Variants in CAMTA1 observed in about 807,000 individuals in gnomAD.
CAMTA1 encodes calmodulin binding transcription activator 1.
In CAMTA1, 27 loss-of-function variants were observed where a neutral mutation model predicts 170.9. The observed-to-expected ratio is 0.16, with a 90% CI of 0.12 to 0.22. The LOEUF (loss-of-function observed/expected upper bound fraction) is 0.22. Among genes scored for constraint, CAMTA1 ranks in the 10% least tolerant of loss-of-function variants. The pLI, the probability that CAMTA1 is intolerant of heterozygous loss-of-function variation, is 1.00. For synonymous variants in CAMTA1, 833 were observed against 891.5 expected (o/e 0.93, Z 1.17); for missense variants, 1,619 against 2,217.2 (o/e 0.73, Z 5.42).
intron 1 of CAMTA1, among the ~76,000 whole-genome samples, chr1:6,790,775 T>C (rs1453492236): frequency 5.3e-5 from 8 of 152,216 alleles, no homozygotes; most frequent in Admixed American, 5.2e-4. Context: ...TTTAATGGTA[T>C]TATTATTTTT....
intron 3 of CAMTA1, among the ~76,000 whole-genome samples, chr1:7,089,793 A>T (rs936621749): frequency 3.3e-5 from 5 of 152,220 alleles, no homozygotes; most frequent in African/African-American, 1.2e-4. Context: ...CACCCAGGCA[A>T]GCAGTAGGGA....
chr1:7,355,538 A>G (rs2085045953), intron 5 of CAMTA1, among the ~76,000 whole-genome samples: 1 of 152,156 alleles, frequency 6.6e-6, no homozygotes, highest in Non-Finnish European at 1.5e-5. Flanking sequence ...CTACCCCCAA[A>G]ATATAGCTCA....
In CAMTA1 at chr1:7,173,879, G is replaced by A. The variant is rs1045400694; in HGVS notation, c.303-75612G>A. Reference sequence around the variant, plus strand: ...CCAAAAAGGCCCAGTGGAACCCAGGGGACCCACAGGGACTCAACAGGACCC... The same window carrying A: ...CCAAAAAGGCCCAGTGGAACCCAGGAGACCCACAGGGACTCAACAGGACCC... On this transcript the variant is annotated intron_variant, in intron 4 of 22. Transcript: ENST00000303635. This position sits in a 1 kb window ranked among gnomAD's most constrained non-coding sequence, Gnocchi z 5.4. 6.6e-6 allele frequency among the ~76,000 whole-genome samples: 1 copy of A among 151,904 alleles called. No individual in the cohort carries two copies. Among genetic ancestry groups the A allele is most frequent in the Non-Finnish European group, 1.5e-5 (1 of 67,986 alleles).
intron 11 of CAMTA1, among the ~76,000 whole-genome samples, chr1:7,724,623 G>A (rs866518260): frequency 4.6e-5 from 7 of 151,926 alleles, no homozygotes; most frequent in Admixed American, 6.6e-5. Flanking sequence ...ACGAAGTCAG[G>A]AGATTGAGAC....
At chr1:6,991,401 G>A (rs577449761) in intron 3 of CAMTA1, among the ~76,000 whole-genome samples, 20 of 152,256 alleles carry the variant, frequency 1.3e-4, no homozygotes, top group African/African-American at 4.8e-4. Context: ...TTAGTGCTGT[G>A]ACTCTTAATT....
At position 7,195,348 on chromosome 1, in the gene CAMTA1, G is replaced by A. The variant is rs997660202; in HGVS notation, c.303-54143G>A. Among the ~76,000 whole-genome samples, 3 of 152,220 alleles carry A rather than the reference G, an allele frequency of 2.0e-5. No homozygotes were observed. The highest frequency in any genetic ancestry group is 2.0e-4 in the Admixed American group (3 of 15,284). ...CATGGCACAGATTTTCGGAGTCCAA[G>A]TGTTGCTATACACATTCTCTGCTTG... On this transcript the variant is annotated intron_variant, in intron 4 of 22. Coordinates refer to ENST00000303635, the MANE Select transcript of CAMTA1 (RefSeq NM_015215.4). The surrounding 1 kb of genome is among the most constrained non-coding windows in gnomAD (Gnocchi z 4.1).
chr1:7,597,091 C>T (rs1280169093), intron 6 of CAMTA1, among the ~76,000 whole-genome samples: 2 of 152,144 alleles, frequency 1.3e-5, no homozygotes, highest in Non-Finnish European at 2.9e-5. Flanking sequence ...AACCTGCTCT[C>T]CCCAGGCACC....
At chr1:6,902,621 G>A (rs1229618050) in intron 3 of CAMTA1, among the ~76,000 whole-genome samples, 2 of 152,190 alleles carry the variant, frequency 1.3e-5, no homozygotes, top group African/African-American at 4.8e-5. Flanking sequence ...TGTGATTGTG[G>A]TTATGCAGCT....
At chr1:7,261,971 C>T (rs1036176531) in intron 5 of CAMTA1, among the ~76,000 whole-genome samples, 3 of 151,596 alleles carry the variant, frequency 2.0e-5, no homozygotes, top group South Asian at 2.1e-4. Context: ...ATTCCTTACC[C>T]GTCTACATGC....
intron 3 of CAMTA1, among the ~76,000 whole-genome samples, chr1:6,960,635 T>C (rs1168482965): frequency 1.3e-5 from 2 of 152,196 alleles, no homozygotes; most frequent in African/African-American, 4.8e-5. Flanking sequence ...AATAGTCTTA[T>C]CACATCGGAC....
Position 6,904,733 on chromosome 1 carries a change from ATTTTTTTTTTTTTT to A in CAMTA1, c.234+79542_234+79555del, listed in dbSNP as rs70984036. Among the ~76,000 whole-genome samples, 26 of 70,998 alleles carry A rather than the reference ATTTTTTTTTTTTTT, an allele frequency of 3.7e-4. 1 individual carries two copies. The South Asian group carries it at 6.3e-3, about 17-fold the overall frequency. The allele number at this position is 70,998 out of a possible 152,430, so 46.6% of individuals were successfully genotyped here. On this transcript the variant is annotated intron_variant, in intron 3 of 22. Transcript: ENST00000303635. ...AGGCATGCGCCACCATGCCCAGCTA[ATTTTTTTTTTTTTT>A]TTTTTTTTTTTTTTTTTTAATTTTT...
At chr1:7,676,008 C>A (rs562680134) in intron 10 of CAMTA1, among the ~76,000 whole-genome samples, 1 of 152,222 alleles carries the variant, frequency 6.6e-6, no homozygotes, top group African/African-American at 2.4e-5. Context: ...CCATCCCCCC[C>A]GACCCCAAGC....
chr1:7,476,543 C>A (rs575446721), intron 6 of CAMTA1, among the ~76,000 whole-genome samples: 1 of 152,222 alleles, frequency 6.6e-6, no homozygotes, highest in South Asian at 2.1e-4. Context: ...CTTGAGGGGT[C>A]CCAGTTCCCA....
intron 3 of CAMTA1, among the ~76,000 whole-genome samples, chr1:6,904,235 G>A (rs946992175): frequency 6.6e-6 from 1 of 152,056 alleles, no homozygotes; most frequent in Non-Finnish European, 1.5e-5. Flanking sequence ...AAATCCCATG[G>A]CCTCTTTTCA....
chr1:7,501,618 G>GTTTTTT (rs56182115), intron 6 of CAMTA1, among the ~76,000 whole-genome samples: 1 of 149,528 alleles, frequency 6.7e-6, no homozygotes, highest in Non-Finnish European at 1.5e-5. Context: ...ATAAACAACA[G>GTTTTTT]TTTTTTTTTT....
chr1:7,542,879 G>T (rs11120966), intron 6 of CAMTA1, among the ~76,000 whole-genome samples: 6,459 of 138,140 alleles, frequency 0.047, 524 homozygotes, highest in African/African-American at 0.16. Flanking sequence ...GTGTGTGTGT[G>T]TTTGAGCCGG....
intron 3 of CAMTA1, among the ~76,000 whole-genome samples, chr1:6,980,934 T>G (rs1694333894): frequency 6.6e-6 from 1 of 152,140 alleles, no homozygotes; most frequent in African/African-American, 2.4e-5. Flanking sequence ...GCCTAGAGCC[T>G]TGGGCTTCCT....
At chr1:7,349,469 C>G (rs1041065248) in intron 5 of CAMTA1, among the ~76,000 whole-genome samples, 8 of 152,230 alleles carry the variant, frequency 5.3e-5, no homozygotes, top group Non-Finnish European at 1.0e-4. Context: ...CTGCCTAGGG[C>G]TGATCCCATG....
rs1382145932 is a variant in CAMTA1, at chr1:7,251,426, G to C, written c.438+1800G>C. 1.3e-5 allele frequency among the ~76,000 whole-genome samples: 2 copies of C among 152,174 alleles called. No individual in the cohort carries two copies. Among genetic ancestry groups the C allele is most frequent in the Non-Finnish European group, 2.9e-5 (2 of 68,034 alleles). ...TTCGGGAAAGGGAGACGGGCAGGAT[G>C]GGGAGGGGTTTCCATGACCTCCTAA... is the stretch of plus-strand genomic sequence containing the variant. On this transcript the variant is annotated intron_variant, in intron 5 of 22. Transcript: ENST00000303635. The surrounding 1 kb of genome is among the most constrained non-coding windows in gnomAD (Gnocchi z 5.1).
Sources: gnomAD v4.1 joint callset for allele counts (sites outside exome capture counted in the v4.1 genomes callset) on GRCh38, gnomAD v4.1.1 for gene constraint, Gnocchi (gnomAD v3.1) non-coding constraint, MANE v1.5 for transcripts, NCBI Gene and HGNC (gene_info 2026-07-23, HGNC 2026-07-21) for gene names.